Variants in NELL1 observed in about 807,000 individuals in gnomAD.
NELL1 encodes the protein protein kinase C-binding protein NELL1.
Under a neutral mutation model 107.4 loss-of-function variants are expected in NELL1, and 76 were observed. The observed-to-expected ratio is 0.71, with a 90% CI of 0.59 to 0.86. The LOEUF (loss-of-function observed/expected upper bound fraction) is 0.86. Ranked by LOEUF, NELL1 falls within the 40% of genes least tolerant of loss-of-function variation. The pLI is 0.00. For synonymous variants in NELL1, 353 were observed against 341.2 expected, an observed-to-expected ratio of 1.03 and a Z score of -0.38; for missense variants, 1,024 against 1,005.5, an observed-to-expected ratio of 1.02 and a Z score of -0.25.
At chr11:21,100,641 C>T (rs941233478) in intron 12 of NELL1, among the ~76,000 whole-genome samples, 4 of 152,188 alleles carry the variant, frequency 2.6e-5, no homozygotes, top group Non-Finnish European at 5.9e-5. Context: ...TGAGGAGATA[C>T]TTGTACACCA....
chr11:20,901,818 A>T (rs575121682), intron 5 of NELL1, among the ~76,000 whole-genome samples: 1 of 152,244 alleles, frequency 6.6e-6, no homozygotes, highest in Non-Finnish European at 1.5e-5. Context: ...TGGAAACTTG[A>T]CACATAACTG....
At chr11:20,874,078 T>C (rs1165431095) in intron 4 of NELL1, among the ~76,000 whole-genome samples, 1 of 152,108 alleles carries the variant, frequency 6.6e-6, no homozygotes, top group Non-Finnish European at 1.5e-5. Context: ...GTTTAGACTT[T>C]TTTTTTGAGA....
chr11:21,139,717 C>A, intron 13 of NELL1, among the ~76,000 whole-genome samples: 1 of 152,264 alleles, frequency 6.6e-6, no homozygotes, highest in East Asian at 1.9e-4. Context: ...AGCAAATATT[C>A]AATGTCCTGG....
At chr11:21,488,000 T>G (rs1854684600) in intron 15 of NELL1, among the ~76,000 whole-genome samples, 1 of 152,114 alleles carries the variant, frequency 6.6e-6, no homozygotes, top group South Asian at 2.1e-4. Context: ...TAAATATATA[T>G]ACATACAACA....
At chr11:21,571,193 A>T (rs550892881) in intron 18 of NELL1, among the ~76,000 whole-genome samples, 1 of 152,016 alleles carries the variant, frequency 6.6e-6, no homozygotes, top group East Asian at 1.9e-4. Flanking sequence ...ACTAAAAAGA[A>T]ATCAAGATCA....
chr11:21,559,234 A>G (rs1022043290), intron 16 of NELL1, among the ~76,000 whole-genome samples: 1 of 152,140 alleles, frequency 6.6e-6, no homozygotes, highest in Non-Finnish European at 1.5e-5. Context: ...CACTTATTCA[A>G]TGGCCTCAGA....
chr11:20,681,757 TA>T (rs1854194934), intron 2 of NELL1, among the ~76,000 whole-genome samples: 1 of 152,132 alleles, frequency 6.6e-6, no homozygotes. Context: ...AAGGTGTTAG[TA>T]GGGCTGTGTT....
intron 4 of NELL1, among the ~76,000 whole-genome samples, chr11:20,848,250 T>G (rs1210148505): frequency 6.6e-6 from 1 of 152,222 alleles, no homozygotes; most frequent in African/African-American, 2.4e-5. Flanking sequence ...GGCTGTTCTC[T>G]GAGCCTTTTG....
rs1554914196 is a variant in NELL1, at chr11:20,755,559, T to TATTTTTTATTTTATTTTA, written c.185-28121_185-28120insATTTTTTATTTTATTTTA. Among the ~76,000 whole-genome samples the TATTTTTTATTTTATTTTA allele has an allele frequency of 5.1e-4, 9 of 17,668 alleles. 1 individual carries two copies. The highest frequency in any genetic ancestry group is 9.4e-4 in the African/African-American group (9 of 9,524). The allele number at this position is 17,668 out of a possible 152,430, so 11.6% of individuals were successfully genotyped here. ...GTTTTTGTTTTTTTTTGTTTTTGTTTTTGTTTTTTTTTTTTTGAGACAGAA... is the reference window on the plus strand; with the variant it reads ...GTTTTTGTTTTTTTTTGTTTTTGTTTATTTTTTATTTTATTTTATTGTTTTTTTTTTTTTGAGACAGAA... On this transcript the variant is annotated intron_variant, in intron 2 of 19. Coordinates refer to ENST00000357134, the MANE Select transcript of NELL1 (RefSeq NM_006157.5).
At chr11:21,119,662 C>A (rs985561081) in intron 13 of NELL1, among the ~76,000 whole-genome samples, 1 of 151,990 alleles carries the variant, frequency 6.6e-6, no homozygotes, top group Non-Finnish European at 1.5e-5. Flanking sequence ...ATTGAAATTG[C>A]GTTGTTTCTT....
At chr11:21,564,163 TG>T (rs1856916322) in intron 17 of NELL1, among the ~76,000 whole-genome samples, 1 of 151,926 alleles carries the variant, frequency 6.6e-6, no homozygotes, top group Non-Finnish European at 1.5e-5. Context: ...AAGGTCTGAT[TG>T]ACAGCATGAT....
intron 3 of NELL1, among the ~76,000 whole-genome samples, chr11:20,836,563 T>C (rs532853939): frequency 6.6e-6 from 1 of 152,162 alleles, no homozygotes; most frequent in African/African-American, 2.4e-5. Flanking sequence ...TGATGAAGTA[T>C]TACTCAGCTA....
intron 14 of NELL1, among the ~76,000 whole-genome samples, chr11:21,369,681 A>G (rs531413295): frequency 6.6e-6 from 1 of 152,130 alleles, no homozygotes; most frequent in South Asian, 2.1e-4. Flanking sequence ...TGACTTTTTC[A>G]AACTACAATT....
At chr11:20,948,876 C>T (rs1358759160) in intron 11 of NELL1, among the ~76,000 whole-genome samples, 1 of 150,968 alleles carries the variant, frequency 6.6e-6, no homozygotes, top group African/African-American at 2.4e-5. Flanking sequence ...TCCTTTTAAT[C>T]TGAGCTTTGA....
chr11:21,077,083 G>A (rs1854154164), intron 12 of NELL1, among the ~76,000 whole-genome samples: 1 of 152,018 alleles, frequency 6.6e-6, no homozygotes, highest in Non-Finnish European at 1.5e-5. Context: ...GTATGGAAAG[G>A]GCAAATAATA....
chr11:20,952,279 T>G (rs1262862244), intron 11 of NELL1, among the ~76,000 whole-genome samples: 1 of 152,178 alleles, frequency 6.6e-6, no homozygotes, highest in Non-Finnish European at 1.5e-5. Flanking sequence ...CCGACATCTG[T>G]TCCAAATGCG....
intron 13 of NELL1, 48 bp downstream of exon 13, chr11:21,113,762 C>T (rs1565066797): frequency 1.9e-6 from 3 of 1,591,914 alleles, no homozygotes; most frequent in Admixed American, 3.5e-5. Context: ...CCATTCTCTG[C>T]ACCATGTCTG....
intron 3 of NELL1, among the ~76,000 whole-genome samples, chr11:20,809,207 A>G (rs1857448617): frequency 6.6e-6 from 1 of 152,148 alleles, no homozygotes; most frequent in Admixed American, 6.5e-5. Context: ...TTCTAACTGA[A>G]TCAACAAATA....
intron 2 of NELL1, among the ~76,000 whole-genome samples, chr11:20,726,600 TA>T (rs1275486027): frequency 6.6e-6 from 1 of 152,238 alleles, no homozygotes; most frequent in Non-Finnish European, 1.5e-5. Flanking sequence ...TTTTTTCTTT[TA>T]TTTTTTAAAT....
Sources: gnomAD v4.1 joint callset for allele counts (sites outside exome capture counted in the v4.1 genomes callset) on GRCh38, gnomAD v4.1.1 for gene constraint, MANE v1.5 for transcripts, NCBI Gene and HGNC (gene_info 2026-07-23, HGNC 2026-07-21) for gene names.